TRMT9B: variants seen among roughly 807,000 people sequenced by gnomAD.
TRMT9B encodes tRNA methyltransferase 9B (putative).
A neutral mutation model predicts 11.5 loss-of-function variants in TRMT9B; 16 were observed. That is an observed-to-expected ratio of 1.39 (90% CI 0.94 to 2.11). TRMT9B has a LOEUF of 2.11. Ranked by LOEUF, TRMT9B falls within the 30% of genes most tolerant of loss-of-function variation. The pLI, the probability that TRMT9B is intolerant of heterozygous loss-of-function variation, is 0.00. For synonymous variants in TRMT9B, 274 were observed against 192.4 expected, an observed-to-expected ratio of 1.42 and a Z score of -3.51; for missense variants, 941 against 553.8, an observed-to-expected ratio of 1.70 and a Z score of -7.02.
chr8:12,953,660 G>T (rs1006449901), intron 1 of TRMT9B, among the ~76,000 whole-genome samples: 1 of 152,198 alleles, frequency 6.6e-6, no homozygotes, highest in Non-Finnish European at 1.5e-5. Flanking sequence ...TTTGGGGAAG[G>T]GAGAGTTAGA....
At chr8:12,999,321 G>GAAAAAA in intron 2 of TRMT9B, among the ~76,000 whole-genome samples, 1 of 127,088 alleles carries the variant, frequency 7.9e-6, no homozygotes. Context: ...AAAAAGAAAA[G>GAAAAAA]AAAAAAAAAA....
Position 13,029,619 on chromosome 8 carries a change from C to T in TRMT9B, c.*7575C>T, listed in dbSNP as rs377610337. ...ATAGTCAGCTCTCACTACACTTCAACAGAACGGGGCAAGTTCGTATTTGAA... is the reference window on the plus strand; with the variant it reads ...ATAGTCAGCTCTCACTACACTTCAATAGAACGGGGCAAGTTCGTATTTGAA... On this transcript the variant is annotated 3_prime_UTR_variant, in exon 5 of 5. Transcript: ENST00000524591. 3.1e-5 allele frequency: 5 copies of T among 163,134 alleles called. No homozygotes were observed. In the East Asian group the frequency reaches 5.8e-4, roughly 19 times the overall value. The allele number at this position is 163,134 out of a possible 1,614,324, so 10.1% of individuals were successfully genotyped here.
intron 1 of TRMT9B, chr8:12,970,249 C>T (rs1047612261): frequency 1.3e-5 from 2 of 152,200 alleles, no homozygotes; most frequent in African/African-American, 4.8e-5. Context: ...TTAAACAGAC[C>T]AGTGCCTTCC....
At chr8:13,002,461 G>C (rs927099773) in intron 2 of TRMT9B, among the ~76,000 whole-genome samples, 1 of 152,136 alleles carries the variant, frequency 6.6e-6, no homozygotes, top group Non-Finnish European at 1.5e-5. Context: ...TGTTTACTTC[G>C]TAAATTTCAG....
At chr8:12,975,022 T>A (rs529291188) in intron 1 of TRMT9B, among the ~76,000 whole-genome samples, 1 of 135,848 alleles carries the variant, frequency 7.4e-6, no homozygotes, top group East Asian at 2.0e-4. Flanking sequence ...ACATAAGCAG[T>A]TTTTTTTTTT....
At chr8:12,991,248 T>A (rs942727213) in intron 2 of TRMT9B, among the ~76,000 whole-genome samples, 9 of 152,224 alleles carry the variant, frequency 5.9e-5, no homozygotes, top group African/African-American at 2.2e-4. Flanking sequence ...ATTTAGCATT[T>A]TTAGAAAGCA....
intron 4 of TRMT9B, among the ~76,000 whole-genome samples, chr8:13,015,058 GAAATAAATAAATAAATAAAT>G (rs143449358): frequency 0.093 from 13,550 of 145,492 alleles, 981 homozygotes; most frequent in African/African-American, 0.2. Context: ...GACTCCATCT[GAAATAAATAAATAAATAAAT>G]AAATAAATAA....
At chr8:12,952,037 C>T in intron 1 of TRMT9B, 1 of 184,876 alleles carries the variant, frequency 5.4e-6, no homozygotes, top group African/African-American at 2.4e-5. Context: ...TTTTCCTCTT[C>T]CTTTCATCCT....
chr8:12,987,622 G>A (rs762415811), intron 1 of TRMT9B, among the ~76,000 whole-genome samples: 4 of 152,062 alleles, frequency 2.6e-5, no homozygotes, highest in Admixed American at 1.3e-4. Flanking sequence ...CACCTGGGAG[G>A]TCAAGGCTGC....
chr8:12,966,321 C>G (rs1255223709), intron 1 of TRMT9B, among the ~76,000 whole-genome samples: 1 of 152,144 alleles, frequency 6.6e-6, no homozygotes, highest in Non-Finnish European at 1.5e-5. Context: ...ACAGATACAA[C>G]CATGTGCCAT....
At chr8:12,947,928 G>T (rs986408127) in intron 1 of TRMT9B, among the ~76,000 whole-genome samples, 6 of 152,198 alleles carry the variant, frequency 3.9e-5, no homozygotes, top group Non-Finnish European at 8.8e-5. Context: ...AGTAAGGCAG[G>T]CATTCAAGGA....
chr8:13,013,388 T>C (rs1196412682), intron 4 of TRMT9B, among the ~76,000 whole-genome samples: 1 of 152,184 alleles, frequency 6.6e-6, no homozygotes, highest in African/African-American at 2.4e-5. Flanking sequence ...TCTGCTCATT[T>C]GCTGCCAGAG....
intron 4 of TRMT9B, among the ~76,000 whole-genome samples, chr8:13,017,320 A>T (rs998285801): frequency 3.9e-5 from 6 of 152,242 alleles, no homozygotes; most frequent in African/African-American, 1.4e-4. Context: ...GTAACTTCTC[A>T]TCTGAATCTG....
At chr8:12,963,015 G>A (rs1443874967) in intron 1 of TRMT9B, among the ~76,000 whole-genome samples, 1 of 152,166 alleles carries the variant, frequency 6.6e-6, no homozygotes, top group Non-Finnish European at 1.5e-5. Flanking sequence ...AGTCCGCTGA[G>A]TATTATGATT....
intron 4 of TRMT9B, among the ~76,000 whole-genome samples, chr8:13,014,284 C>G (rs1051118764): frequency 1.3e-5 from 2 of 152,146 alleles, no homozygotes; most frequent in Non-Finnish European, 2.9e-5. Context: ...GCCTTTGCAG[C>G]CTGCTATAGC....
intron 2 of TRMT9B, among the ~76,000 whole-genome samples, chr8:13,002,333 T>C (rs773329390): frequency 1.8e-4 from 28 of 152,238 alleles, no homozygotes; most frequent in Admixed American, 1.3e-4. Context: ...TATTGCTTGA[T>C]TGATTCCTTG....
In TRMT9B at chr8:13,026,027, G is replaced by A. The variant is rs865954225; in HGVS notation, c.*3983G>A. ...TTAAATTAAATTAATACATATATAC[G>A]AGTTTGGAGGAGAACAGAAGTTCTA... On this transcript the variant is annotated 3_prime_UTR_variant, in exon 5 of 5. Transcript: ENST00000524591. 1 of 166,862 alleles carries A rather than the reference G, an allele frequency of 6.0e-6. No homozygotes were observed. The highest frequency in any genetic ancestry group is 1.5e-5 in the Non-Finnish European group (1 of 68,104). 10.3% of individuals were successfully genotyped at this position (166,862 alleles called of 1,614,324 possible).
chr8:12,966,581 T>C (rs1802854052), intron 1 of TRMT9B, among the ~76,000 whole-genome samples: 1 of 152,234 alleles, frequency 6.6e-6, no homozygotes, highest in African/African-American at 2.4e-5. Flanking sequence ...GCTATTTCTA[T>C]TGTTTAGCCA....
At position 12,946,250 on chromosome 8, in the gene TRMT9B, C is replaced by T. The variant is rs113722635; in HGVS notation, c.-200+284C>T. Among the ~76,000 whole-genome samples, 647 of 152,164 alleles carry T rather than the reference C, an allele frequency of 4.3e-3. 3 individuals are homozygous for T. Among genetic ancestry groups the T allele is most frequent in the African/African-American group, 0.015 (614 of 41,508 alleles). ...ACAATAGCTTTTTGTCTGGAATTAT[C>T]TTTTATGGAAGAGACGGCCTTGGCA... On this transcript the variant is annotated intron_variant, in intron 1 of 4. Coordinates refer to ENST00000524591, the MANE Select transcript of TRMT9B (RefSeq NM_020844.3).
Sources: allele counts gnomAD v4.1 joint callset (sites outside exome capture counted in the v4.1 genomes callset), GRCh38; gene constraint gnomAD v4.1.1; transcripts MANE v1.5; gene names NCBI Gene and HGNC (gene_info 2026-07-23, HGNC 2026-07-21).